BRIP1: variants seen among roughly 807,000 people sequenced by gnomAD.
BRIP1 encodes Fanconi anemia group J protein.
A neutral mutation model predicts 119.7 loss-of-function variants in BRIP1; 88 were observed. The ratio of observed to expected loss-of-function variants is 0.74; its 90% CI spans 0.62 to 0.88. The LOEUF (loss-of-function observed/expected upper bound fraction) is 0.88, where lower values mean the gene tolerates loss of function less well. Ranked by LOEUF, BRIP1 falls within the 40% of genes least tolerant of loss-of-function variation. The pLI is 0.00. For synonymous variants in BRIP1, 443 were observed against 496.5 expected (o/e 0.89, Z 1.43); for missense variants, 1,259 against 1,455.4 (o/e 0.87, Z 2.20).
Position 61,744,606 on chromosome 17 carries a change from GAA to G in BRIP1, c.2098-17_2098-16del. ...TTTTCTAATAACTAAAGAGGGGAAA[GAA>G]AAAAATGATTTTTTGTGTGTCTAGC... is the stretch of plus-strand genomic sequence containing the variant. On this transcript the variant is annotated splice_polypyrimidine_tract_variant and intron_variant, in intron 14 of 19. Transcript: ENST00000259008. This position sits in a 1 kb window ranked among gnomAD's most constrained non-coding sequence, Gnocchi z 5.0. 1 of 1,609,340 alleles carries G rather than the reference GAA, an allele frequency of 6.2e-7. No individual in the cohort carries two copies. The highest frequency in any genetic ancestry group is 8.5e-7 in the Non-Finnish European group (1 of 1,175,990).
chr17:61,719,202 C>A (rs2061932658), intron 16 of BRIP1, among the ~76,000 whole-genome samples: 1 of 141,830 alleles, frequency 7.1e-6, no homozygotes, highest in African/African-American at 2.6e-5. Flanking sequence ...TATTGCAGCA[C>A]TATTCTCAAT....
At chr17:61,721,959 T>A (rs1249927269) in intron 16 of BRIP1, among the ~76,000 whole-genome samples, 1 of 151,584 alleles carries the variant, frequency 6.6e-6, no homozygotes, top group Non-Finnish European at 1.5e-5. Flanking sequence ...GAACTCCTGA[T>A]CTCAGGTGAT....
rs2077299951 is a variant in BRIP1 at position 61,762,984 on chromosome 17, T to G, written c.2097+13417A>C. 6.6e-6 allele frequency among the ~76,000 whole-genome samples: 1 copy of G among 152,134 alleles called. No individual in the cohort carries two copies. The highest frequency in any genetic ancestry group is 2.4e-5 in the African/African-American group (1 of 41,440). On this transcript the variant is annotated intron_variant, in intron 14 of 19. Coordinates refer to ENST00000259008, the MANE Select transcript of BRIP1 (RefSeq NM_032043.3). This position sits in a 1 kb window ranked among gnomAD's most constrained non-coding sequence, Gnocchi z 4.3. ...TTGGAGAACATTATGCTAAGTGAAATAAGCCAGGCACAGAAAGATAAATGT... is the reference window on the plus strand; with the variant it reads ...TTGGAGAACATTATGCTAAGTGAAAGAAGCCAGGCACAGAAAGATAAATGT...
rs551490556 is a variant in BRIP1, at chr17:61,853,840, A to G, written c.379+3218T>C. ...AAAGAAGTCTCAAAATTTAACAGTA[A>G]GAACACAAACTAATAAAAAATAGGC... is the stretch of plus-strand genomic sequence containing the variant. On this transcript the variant is annotated intron_variant, in intron 4 of 19. Coordinates refer to ENST00000259008, the MANE Select transcript of BRIP1 (RefSeq NM_032043.3). This position sits in a 1 kb window ranked among gnomAD's most constrained non-coding sequence, Gnocchi z 4.3. Among the ~76,000 whole-genome samples the G allele has an allele frequency of 7.2e-5, 11 of 152,362 alleles. No homozygotes were observed. In the East Asian group the frequency reaches 1.9e-3, roughly 27 times the overall value.
chr17:61,804,410 A>ATGTGTG lies in BRIP1; in HGVS notation c.919-2942_919-2937dup, dbSNP rs71153405. On this transcript the variant is annotated intron_variant, in intron 7 of 19. Coordinates refer to ENST00000259008, the MANE Select transcript of BRIP1 (RefSeq NM_032043.3). This position sits in a 1 kb window ranked among gnomAD's most constrained non-coding sequence, Gnocchi z 4.5. ...AAGACTTTGAGGCAGCTATATACATATGTGTGTGTGTGTGTGTGTGTGTGT... is the reference window on the plus strand; with the variant it reads ...AAGACTTTGAGGCAGCTATATACATATGTGTGTGTGTGTGTGTGTGTGTGTGTGTGT... 4.2e-4 allele frequency among the ~76,000 whole-genome samples: 53 copies of ATGTGTG among 125,508 alleles called. No individual in the cohort carries two copies. The highest frequency in any genetic ancestry group is 1.7e-3 in the African/African-American group (50 of 30,176). The allele number at this position is 125,508 out of a possible 152,430, so 82.3% of individuals were successfully genotyped here.
chr17:61,701,022 T>A lies in BRIP1; in HGVS notation c.2493-7510A>T, dbSNP rs1378849516. Among the ~76,000 whole-genome samples, 2 of 152,198 alleles carry A rather than the reference T, an allele frequency of 1.3e-5. No homozygotes were observed. The highest frequency in any genetic ancestry group is 4.8e-5 in the African/African-American group (2 of 41,458). ...TTGTTAAGCAAATTTTATCTCTTTA[T>A]TGATATTCCCTATTTAGTGAGGTGA... On this transcript the variant is annotated intron_variant, in intron 17 of 19. Transcript: ENST00000259008. The surrounding 1 kb of genome is among the most constrained non-coding windows in gnomAD (Gnocchi z 5.1).
chr17:61,830,701 G>C (rs1603354354), intron 6 of BRIP1, among the ~76,000 whole-genome samples: 1 of 151,900 alleles, frequency 6.6e-6, no homozygotes, highest in South Asian at 2.1e-4. Flanking sequence ...AACACATAAG[G>C]GCAAGATGGC....
Position 61,847,209 on chromosome 17 carries a change from A to T in BRIP1, c.519T>A (p.Arg173=), listed in dbSNP as rs2145744985. 1.2e-6 allele frequency: 2 copies of T among 1,613,820 alleles called. No homozygotes were observed. The highest frequency in any genetic ancestry group is 4.5e-5 in the East Asian group (2 of 44,832). The change falls in exon 6 of 20, where the codon CGT becomes CGA. Residue 173 remains arginine, a synonymous_variant. Transcript: ENST00000259008. The part of the protein sequence containing the change: ...PLETTQQIRK[R]HCFGTEVHNL... ...TGTGTACTTCTGTTCCAAAGCAATG[A>T]CGTTTTCTAATCTGTAAACACAGAA...
In BRIP1 at chr17:61,794,083, TAAAG is replaced by T. The variant is rs973075832; in HGVS notation, c.1341-358_1341-355del. On this transcript the variant is annotated intron_variant, in intron 9 of 19. Coordinates refer to ENST00000259008, the MANE Select transcript of BRIP1 (RefSeq NM_032043.3). This position sits in a 1 kb window ranked among gnomAD's most constrained non-coding sequence, Gnocchi z 4.3. Reference sequence around the variant, plus strand: ...TAAAAGGAAATGCAAAACAACCTAATAAAGAAATTAAAGTGTTACATATTAACAC... The same window carrying T: ...TAAAAGGAAATGCAAAACAACCTAATAAATTAAAGTGTTACATATTAACAC... 6.6e-6 allele frequency among the ~76,000 whole-genome samples: 1 copy of T among 152,022 alleles called. No individual in the cohort carries two copies. Among genetic ancestry groups the T allele is most frequent in the African/African-American group, 2.4e-5 (1 of 41,398 alleles).
In BRIP1 at chr17:61,794,617, T is replaced by A. The variant is rs558918954; in HGVS notation, c.1341-888A>T. 3.5e-4 allele frequency among the ~76,000 whole-genome samples: 53 copies of A among 151,392 alleles called. No individual in the cohort carries two copies. The highest frequency in any genetic ancestry group is 1.3e-3 in the African/African-American group (53 of 41,224). On this transcript the variant is annotated intron_variant, in intron 9 of 19. Transcript: ENST00000259008. The surrounding 1 kb of genome is among the most constrained non-coding windows in gnomAD (Gnocchi z 4.3). Reference sequence around the variant, plus strand: ...TTAATACCTGGGTGATGAAATAATATGTACAACAAACCCCCATAACATGTT... The same window carrying A: ...TTAATACCTGGGTGATGAAATAATAAGTACAACAAACCCCCATAACATGTT...
rs2061475040 is a variant in BRIP1, at chr17:61,693,336, A to G, written c.2575+94T>C. ...TTAACAATATTGTACTGTGCACTTA[A>G]TAAGATAGTAGAGCTCATGTTATGT... On this transcript the variant is annotated intron_variant, in intron 18 of 19. Coordinates refer to ENST00000259008, the MANE Select transcript of BRIP1 (RefSeq NM_032043.3). This position sits in a 1 kb window ranked among gnomAD's most constrained non-coding sequence, Gnocchi z 4.2. 3 of 1,110,160 alleles carry G rather than the reference A, an allele frequency of 2.7e-6. No homozygotes were observed. In the South Asian group the frequency reaches 3.8e-5, roughly 14 times the overall value. The allele number at this position is 1,110,160 out of a possible 1,614,324, so 68.8% of individuals were successfully genotyped here. A position where few individuals can be genotyped will look rare whatever the true frequency, so the allele number is the denominator to read the frequency against.
intron 10 of BRIP1, among the ~76,000 whole-genome samples, chr17:61,785,016 CTCAGAG>C (rs971184572): frequency 5.3e-5 from 8 of 152,122 alleles, no homozygotes; most frequent in South Asian, 4.1e-4. Context: ...CAAAATTCTC[CTCAGAG>C]TCAAAGACTC....
At position 61,861,131 on chromosome 17, in the gene BRIP1, G is replaced by T. The variant is rs1490546673; in HGVS notation, c.93+316C>A. 6.6e-6 allele frequency among the ~76,000 whole-genome samples: 1 copy of T among 152,088 alleles called. No homozygotes were observed. Among genetic ancestry groups the T allele is most frequent in the East Asian group, 1.9e-4 (1 of 5,204 alleles). On this transcript the variant is annotated intron_variant, in intron 2 of 19. Coordinates refer to ENST00000259008, the MANE Select transcript of BRIP1 (RefSeq NM_032043.3). This position sits in a 1 kb window ranked among gnomAD's most constrained non-coding sequence, Gnocchi z 4.5. ...TCTACATGATCCAAACAAAACAATGGTGAGAAAAATAGTATTCTGTGTAAA... is the reference window on the plus strand; with the variant it reads ...TCTACATGATCCAAACAAAACAATGTTGAGAAAAATAGTATTCTGTGTAAA...
intron 14 of BRIP1, among the ~76,000 whole-genome samples, chr17:61,765,392 TATATATATATATATATATATATATA>T (rs1567798775): frequency 3.9e-4 from 6 of 15,416 alleles, no homozygotes; most frequent in Admixed American, 7.6e-4. Context: ...TATATATATA[TATATATATATATATATATATATATA>T]TATATATTTT....
Position 61,793,115 on chromosome 17 carries a change from T to C in BRIP1, c.1473+482A>G, listed in dbSNP as rs1310371677. Reference sequence around the variant, plus strand: ...ACATTAGAAAATATAATGAAATTTATGCAGCCTCTATTTAGAAAAATGTAC... The same window carrying C: ...ACATTAGAAAATATAATGAAATTTACGCAGCCTCTATTTAGAAAAATGTAC... On this transcript the variant is annotated intron_variant, in intron 10 of 19. Coordinates refer to ENST00000259008, the MANE Select transcript of BRIP1 (RefSeq NM_032043.3). The surrounding 1 kb of genome is among the most constrained non-coding windows in gnomAD (Gnocchi z 5.2). Among the ~76,000 whole-genome samples, 1 of 152,174 alleles carries C rather than the reference T, an allele frequency of 6.6e-6. No homozygotes were observed. Among genetic ancestry groups the C allele is most frequent in the Non-Finnish European group, 1.5e-5 (1 of 68,032 alleles).
At chr17:61,764,308 G>C (rs1369560023) in intron 14 of BRIP1, among the ~76,000 whole-genome samples, 1 of 152,190 alleles carries the variant, frequency 6.6e-6, no homozygotes, top group Non-Finnish European at 1.5e-5. Context: ...GATTTAGGTA[G>C]TGTGGTCCTT....
rs2061442902 is a variant in BRIP1 at position 61,691,239 on chromosome 17, A to T, written c.2575+2191T>A. Among the ~76,000 whole-genome samples the T allele has an allele frequency of 6.6e-6, 1 of 151,992 alleles. No homozygotes were observed. Among genetic ancestry groups the T allele is most frequent in the African/African-American group, 2.4e-5 (1 of 41,414 alleles). ...ACCCTAGAACTTAAAGTATAATAAT[A>T]AAAATAAAAATTAAAATAAAAAAAC... On this transcript the variant is annotated intron_variant, in intron 18 of 19. Transcript: ENST00000259008. This position sits in a 1 kb window ranked among gnomAD's most constrained non-coding sequence, Gnocchi z 5.0.
rs1019293600 is a variant in BRIP1 at position 61,759,188 on chromosome 17, T to C, written c.2098-14597A>G. ...CAACTATATGCTGCCTACAAGAGATTTGCTTTTAAGGATGCACAGAGGCTG... is the reference window on the plus strand; with the variant it reads ...CAACTATATGCTGCCTACAAGAGATCTGCTTTTAAGGATGCACAGAGGCTG... On this transcript the variant is annotated intron_variant, in intron 14 of 19. Transcript: ENST00000259008. This position sits in a 1 kb window ranked among gnomAD's most constrained non-coding sequence, Gnocchi z 4.9. Among the ~76,000 whole-genome samples, 1 of 152,090 alleles carries C rather than the reference T, an allele frequency of 6.6e-6. No individual in the cohort carries two copies.
In BRIP1 at chr17:61,846,539, A is replaced by G. The variant is rs937009267; in HGVS notation, c.627+562T>C. Among the ~76,000 whole-genome samples, 18 of 152,178 alleles carry G rather than the reference A, an allele frequency of 1.2e-4. No homozygotes were observed. Among genetic ancestry groups the G allele is most frequent in the African/African-American group, 4.3e-4 (18 of 41,524 alleles). ...GTAGCTGGGACTACAAGTGTGCACC[A>G]CAACACCCGGCTAATTTTTGTATTT... On this transcript the variant is annotated intron_variant, in intron 6 of 19. Coordinates refer to ENST00000259008, the MANE Select transcript of BRIP1 (RefSeq NM_032043.3). The surrounding 1 kb of genome is among the most constrained non-coding windows in gnomAD (Gnocchi z 4.3).
Sources: allele counts gnomAD v4.1 joint callset (sites outside exome capture counted in the v4.1 genomes callset), GRCh38; gene constraint gnomAD v4.1.1; non-coding constraint Gnocchi (gnomAD v3.1); transcripts MANE v1.5; gene names NCBI Gene and HGNC (gene_info 2026-07-23, HGNC 2026-07-21).